PLEKHD1: variants seen among roughly 807,000 people sequenced by gnomAD.
PLEKHD1 encodes pleckstrin homology domain-containing family D member 1.
A neutral mutation model predicts 69.2 loss-of-function variants in PLEKHD1; 51 were observed. The ratio of observed to expected loss-of-function variants is 0.74; its 90% CI spans 0.59 to 0.93. PLEKHD1 has a LOEUF of 0.93. PLEKHD1 is among the 40% of genes least tolerant of loss of function. The pLI, the probability that PLEKHD1 is intolerant of heterozygous loss-of-function variation, is 0.00. For missense variants in PLEKHD1, 584 were observed against 641.0 expected (o/e 0.91, Z 0.96); for synonymous variants, 236 against 244.7 (o/e 0.96, Z 0.33).
In PLEKHD1 at chr14:69,527,118, G is replaced by T. The variant is rs1354030290; in HGVS notation, c.1057-70G>T. The T allele has an allele frequency of 6.8e-6, 10 of 1,464,202 alleles. No homozygotes were observed. In the African/African-American group the frequency reaches 1.3e-4, roughly 19 times the overall value. 90.7% of individuals were successfully genotyped at this position (1,464,202 alleles called of 1,614,324 possible). A position where few individuals can be genotyped will look rare whatever the true frequency, so the allele number is the denominator to read the frequency against. On this transcript the variant is annotated intron_variant, in intron 10 of 12. Transcript: ENST00000322564. ...CATTGAGCCAGGGGTGACCAAGGAA[G>T]GCTTCCAGGGAAGATGGCAGCTACT...
At position 69,500,919 on chromosome 14, in the gene PLEKHD1, C is replaced by G; in HGVS notation, c.382C>G (p.Leu128Val). 6.4e-7 allele frequency: 1 copy of G among 1,551,624 alleles called. No individual in the cohort carries two copies. Among genetic ancestry groups the G allele is most frequent in the Middle Eastern group, 1.7e-4 (1 of 5,992 alleles). The change falls in exon 4 of 13, where the codon CTG becomes GTG. Residue 128 changes from leucine to valine, a missense_variant. By Grantham distance (32) the Leu-to-Val change is conservative. Transcript: ENST00000322564. The part of the protein sequence containing the change: ...AESEFEQTQW[L>V]EMLQESGKVT... ...GTCGGAGTTTGAGCAGACCCAGTGG[C>G]TGGAGATGCTGCAGGAGTCTGGGAA...
At chr14:69,509,824 G>T (rs1883231504) in intron 6 of PLEKHD1, among the ~76,000 whole-genome samples, 2 of 152,070 alleles carry the variant, frequency 1.3e-5, no homozygotes, top group Non-Finnish European at 2.9e-5. Context: ...TGTAATCCCA[G>T]CTACTCAGGA....
At chr14:69,488,761 C>T (rs139427013) in intron 1 of PLEKHD1, among the ~76,000 whole-genome samples, 1 of 152,170 alleles carries the variant, frequency 6.6e-6, no homozygotes, top group African/African-American at 2.4e-5. Context: ...GACCAAATTA[C>T]TTTATTCTGA....
chr14:69,484,725 C>G, upstream of PLEKHD1: 1 of 455,112 alleles, frequency 2.2e-6, no homozygotes, highest in Non-Finnish European at 3.9e-6. Context: ...CCACCCTCCC[C>G]GCGGAGTTCC....
In PLEKHD1 at chr14:69,500,226, A is replaced by C; in HGVS notation, c.243+18A>C. On this transcript the variant is annotated intron_variant, in intron 2 of 12. Coordinates refer to ENST00000322564, the MANE Select transcript of PLEKHD1 (RefSeq NM_001161498.2). ...ATCCTAAGGTGAGGCGGCCCCTCCCAGGGCCACAGCAGGGGAGGGCCCAGT... is the reference window on the plus strand; with the variant it reads ...ATCCTAAGGTGAGGCGGCCCCTCCCCGGGCCACAGCAGGGGAGGGCCCAGT... 1 of 1,514,832 alleles carries C rather than the reference A, an allele frequency of 6.6e-7. No homozygotes were observed. 93.8% of individuals were successfully genotyped at this position (1,514,832 alleles called of 1,614,324 possible).
intron 6 of PLEKHD1, among the ~76,000 whole-genome samples, chr14:69,518,588 G>T (rs1283265498): frequency 1.3e-5 from 2 of 152,198 alleles, no homozygotes; most frequent in Admixed American, 6.5e-5. Flanking sequence ...CTAACCAGGA[G>T]TCTAGTCTAG....
chr14:69,501,836 G>A lies in PLEKHD1; in HGVS notation c.502+11G>A, dbSNP rs1420928341. The A allele has an allele frequency of 1.2e-5, 18 of 1,546,866 alleles. No homozygotes were observed. The highest frequency in any genetic ancestry group is 2.0e-5 in the Admixed American group (1 of 50,864). ...AGCAGGAGTATTTAGGTTGGCTGGA[G>A]GGGTGGTTCCCTAATGGTAGCAGCA... On this transcript the variant is annotated intron_variant, in intron 5 of 12. Coordinates refer to ENST00000322564, the MANE Select transcript of PLEKHD1 (RefSeq NM_001161498.2).
rs986897171 is a variant in PLEKHD1, at chr14:69,524,336, G to T, written c.744+14G>T. ...CAGACACTGGAGGTGAGGGGCTGCT[G>T]GTGGGTTAGTTGACCAGGTGGCAGG... On this transcript the variant is annotated intron_variant, in intron 8 of 12. Transcript: ENST00000322564. The T allele has an allele frequency of 7.7e-6, 12 of 1,549,796 alleles. No individual in the cohort carries two copies. Among genetic ancestry groups the T allele is most frequent in the African/African-American group, 4.1e-5 (3 of 73,004 alleles).
the PLEKHD1 span, among the ~76,000 whole-genome samples, chr14:69,469,305 T>C: frequency 6.6e-6 from 1 of 152,210 alleles, no homozygotes; most frequent in South Asian, 2.1e-4. Context: ...CTCACAACAC[T>C]GTCCTGACTA....
intron 1 of PLEKHD1, among the ~76,000 whole-genome samples, chr14:69,487,362 G>T (rs1882677648): frequency 6.6e-6 from 1 of 152,240 alleles, no homozygotes; most frequent in Admixed American, 6.5e-5. Context: ...AGTAGAGTCT[G>T]TGGGCTCAGC....
At position 69,528,062 on chromosome 14, in the gene PLEKHD1, TGGGCAAACG is replaced by T; in HGVS notation, c.1351+133_1351+141del. The T allele has an allele frequency of 4.1e-6, 6 of 1,471,096 alleles. No homozygotes were observed. In the South Asian group the frequency reaches 7.5e-5, roughly 18 times the overall value. The allele number at this position is 1,471,096 out of a possible 1,614,324, so 91.1% of individuals were successfully genotyped here. A position where few individuals can be genotyped will look rare whatever the true frequency, so the allele number is the denominator to read the frequency against. ...GCCTTGAACCTGGCCCCACCATCCT[TGGGCAAACG>T]GGTGAATTCTCAGGGCCCTGGGTTT... On this transcript the variant is annotated intron_variant, in intron 12 of 12. Transcript: ENST00000322564.
chr14:69,494,824 T>C (rs1195115826), intron 1 of PLEKHD1, among the ~76,000 whole-genome samples: 1 of 152,206 alleles, frequency 6.6e-6, no homozygotes, highest in East Asian at 1.9e-4. Context: ...GAGAAGATGC[T>C]GAGAAGGGGC....
chr14:69,489,731 T>C (rs1407111783), intron 1 of PLEKHD1, among the ~76,000 whole-genome samples: 1 of 151,946 alleles, frequency 6.6e-6, no homozygotes, highest in African/African-American at 2.4e-5. Context: ...ATGGGATGGG[T>C]CAAACTGTGT....
At chr14:69,517,847 A>G (rs528487352) in intron 6 of PLEKHD1, among the ~76,000 whole-genome samples, 1 of 151,948 alleles carries the variant, frequency 6.6e-6, no homozygotes, top group Admixed American at 6.6e-5. Flanking sequence ...CACACCGCAT[A>G]CCTGCCTCAC....
intron 1 of PLEKHD1, among the ~76,000 whole-genome samples, chr14:69,499,832 C>T (rs1449641094): frequency 6.6e-6 from 1 of 152,190 alleles, no homozygotes; most frequent in African/African-American, 2.4e-5. Context: ...CTGTGCTGAG[C>T]CAGGGTGGTG....
chr14:69,478,955 G>A, the PLEKHD1 span, among the ~76,000 whole-genome samples: 5 of 152,208 alleles, frequency 3.3e-5, no homozygotes, highest in African/African-American at 9.6e-5. Flanking sequence ...CCAGGGACTA[G>A]ACTGTGAAGG....
At chr14:69,484,719 C>A (rs2139487465), upstream of PLEKHD1, 1 of 435,532 alleles carries the variant, frequency 2.3e-6, no homozygotes, top group East Asian at 3.8e-5. Flanking sequence ...GCTGAGCCAC[C>A]CTCCCCGCGG....
Position 69,531,030 on chromosome 14 carries a change from G to A in PLEKHD1, c.*2611G>A, listed in dbSNP as rs1343255865. ...CCAGCTACTCAGGAGGCTGAGACAG[G>A]AGAATCACTTGAACCTGGGAGGTGG... On this transcript the variant is annotated 3_prime_UTR_variant, in exon 13 of 13. Transcript: ENST00000322564. 2.0e-5 allele frequency: 3 copies of A among 152,098 alleles called. No homozygotes were observed. The highest frequency in any genetic ancestry group is 4.4e-5 in the Non-Finnish European group (3 of 68,056). 9.4% of individuals were successfully genotyped at this position (152,098 alleles called of 1,614,324 possible). A position where few individuals can be genotyped will look rare whatever the true frequency, so the allele number is the denominator to read the frequency against.
At chr14:69,470,255 G>T in the PLEKHD1 span, among the ~76,000 whole-genome samples, 1 of 151,732 alleles carries the variant, frequency 6.6e-6, no homozygotes, top group Non-Finnish European at 1.5e-5. Flanking sequence ...TTGAGGTCAG[G>T]AGTTCAAGAC....
Sources: gnomAD v4.1 joint callset for allele counts (sites outside exome capture counted in the v4.1 genomes callset) on GRCh38, gnomAD v4.1.1 for gene constraint, MANE v1.5 for transcripts, NCBI Gene and HGNC (gene_info 2026-07-23, HGNC 2026-07-21) for gene names.